Variants in KIAA1671 observed in about 807,000 individuals in gnomAD.
KIAA1671 encodes the protein KIAA1671.
KIAA1671 carries 52 observed loss-of-function variants against 131.2 expected under a neutral mutation model. That is an observed-to-expected ratio of 0.40 (90% CI 0.32 to 0.50). The LOEUF is 0.50. Among genes scored for constraint, KIAA1671 ranks in the 20% least tolerant of loss-of-function variants. The probability of loss-of-function intolerance (pLI) is 0.73; values close to 1 mark genes in which losing one functional copy is unlikely to be tolerated. For missense variants in KIAA1671, 2,360 were observed against 2,364.2 expected, an observed-to-expected ratio of 1.00 and a Z score of 0.04; for synonymous variants, 1,003 against 961.6, an observed-to-expected ratio of 1.04 and a Z score of -0.80.
intron 6 of KIAA1671, among the ~76,000 whole-genome samples, chr22:25,113,376 T>C (rs1931481454): frequency 1.3e-5 from 2 of 152,202 alleles, no homozygotes; most frequent in Non-Finnish European, 1.5e-5. Flanking sequence ...CATTTTCACA[T>C]AGGAGACTTC....
At chr22:25,071,416 A>C (rs1928810815) in intron 6 of KIAA1671, among the ~76,000 whole-genome samples, 2 of 152,182 alleles carry the variant, frequency 1.3e-5, no homozygotes, top group Admixed American at 1.3e-4. Flanking sequence ...CCCCCAGAGC[A>C]GTGGGGAAAC....
chr22:24,975,596 T>G (rs1454001236), intron 1 of KIAA1671, among the ~76,000 whole-genome samples: 1 of 152,022 alleles, frequency 6.6e-6, no homozygotes, highest in East Asian at 1.9e-4. Context: ...CAGTGCTTAT[T>G]GCTGTCACCT....
chr22:25,138,286 A>G (rs1484135117), intron 6 of KIAA1671, among the ~76,000 whole-genome samples: 2 of 152,192 alleles, frequency 1.3e-5, no homozygotes, highest in Non-Finnish European at 2.9e-5. Context: ...ATGGCCAACC[A>G]GTCATTGGCT....
intron 6 of KIAA1671, among the ~76,000 whole-genome samples, chr22:25,165,999 T>G (rs1933634178): frequency 6.6e-6 from 1 of 152,164 alleles, no homozygotes. Flanking sequence ...ACCCCAGCCC[T>G]TACCCGGAGG....
intron 6 of KIAA1671, among the ~76,000 whole-genome samples, chr22:25,107,792 C>T (rs540570841): frequency 2.6e-5 from 4 of 152,036 alleles, no homozygotes; most frequent in African/African-American, 9.6e-5. Flanking sequence ...GGGCGGATCA[C>T]TGGTCAGGAG....
At chr22:25,002,929 GC>G (rs1327111182) in intron 1 of KIAA1671, among the ~76,000 whole-genome samples, 1 of 152,054 alleles carries the variant, frequency 6.6e-6, no homozygotes, top group Non-Finnish European at 1.5e-5. Flanking sequence ...ACAGGCACAA[GC>G]CCCCAGTGCC....
At chr22:25,172,902 C>T (rs930328170) in intron 7 of KIAA1671, among the ~76,000 whole-genome samples, 1 of 152,176 alleles carries the variant, frequency 6.6e-6, no homozygotes, top group Non-Finnish European at 1.5e-5. Context: ...GTTTCCTCAC[C>T]TTTAACAAGG....
At chr22:25,136,500 A>G (rs1415499363) in intron 6 of KIAA1671, among the ~76,000 whole-genome samples, 2 of 152,218 alleles carry the variant, frequency 1.3e-5, no homozygotes, top group East Asian at 1.9e-4. Flanking sequence ...TCACGCAAAC[A>G]GCCCTAAACC....
intron 1 of KIAA1671, among the ~76,000 whole-genome samples, chr22:25,007,642 AT>A (rs1404094301): frequency 3.3e-5 from 5 of 152,164 alleles, no homozygotes; most frequent in African/African-American, 4.8e-5. Flanking sequence ...CACCAGTGCC[AT>A]GTCAGTTTAT....
At chr22:25,136,496 A>G (rs1340928848) in intron 6 of KIAA1671, among the ~76,000 whole-genome samples, 1 of 152,188 alleles carries the variant, frequency 6.6e-6, no homozygotes, top group Admixed American at 6.5e-5. Context: ...GGCATCACGC[A>G]AACAGCCCTA....
intron 5 of KIAA1671, chr22:25,048,931 TC>T (rs1488881727): frequency 5.8e-6 from 2 of 343,200 alleles, no homozygotes; most frequent in Non-Finnish European, 1.1e-5. Context: ...ATGTGCTGTT[TC>T]TTAGCGCCTA....
chr22:25,161,501 G>GT (rs879713899), intron 6 of KIAA1671, among the ~76,000 whole-genome samples: 6 of 152,194 alleles, frequency 3.9e-5, no homozygotes, highest in Non-Finnish European at 8.8e-5. Context: ...AGGATCGCGT[G>GT]GCCAAATCAG....
intron 6 of KIAA1671, among the ~76,000 whole-genome samples, chr22:25,067,494 C>T (rs144353513): frequency 2.1e-4 from 32 of 152,190 alleles, no homozygotes; most frequent in African/African-American, 7.0e-4. Flanking sequence ...TCCTCTCCCT[C>T]CATGTCTCTC....
At chr22:25,131,317 C>T (rs1376566534) in intron 6 of KIAA1671, among the ~76,000 whole-genome samples, 1 of 152,338 alleles carries the variant, frequency 6.6e-6, no homozygotes, top group South Asian at 2.1e-4. Flanking sequence ...GAGTTTTGCA[C>T]AGGTTTGGGG....
At chr22:24,985,250 T>A (rs1923457898) in intron 1 of KIAA1671, among the ~76,000 whole-genome samples, 1 of 152,198 alleles carries the variant, frequency 6.6e-6, no homozygotes, top group South Asian at 2.1e-4. Flanking sequence ...GTATTGAGGA[T>A]GCTAATATCC....
rs369951541 is a variant in KIAA1671 at position 25,177,461 on chromosome 22, C to T, written c.5013C>T (p.Ser1671=). The change falls in exon 9 of 13, where the codon TCC becomes TCT. Residue 1671 remains serine (S), a synonymous_variant. Transcript: ENST00000358431. The stretch of plus-strand genomic sequence containing the variant: ...TCCGGCGCAGCCGATTTAGTGAGTC[C>T]GAGAGCAGATCACCTTTGGAGGATG... ...HSLRRSRFSE[S]ESRSPLEDET... 1.4e-4 allele frequency: 222 copies of T among 1,551,736 alleles called. No individual in the cohort carries two copies. Among genetic ancestry groups the T allele is most frequent in the Non-Finnish European group, 1.3e-4 (145 of 1,147,004 alleles).
intron 6 of KIAA1671, chr22:25,064,324 G>T (rs941594049): frequency 7.1e-6 from 1 of 140,452 alleles, no homozygotes; most frequent in Non-Finnish European, 1.6e-5. Flanking sequence ...GCCTCCCAAA[G>T]TGCTGGGATT....
At chr22:25,022,210 T>C (rs1274573783) in intron 1 of KIAA1671, among the ~76,000 whole-genome samples, 11 of 152,004 alleles carry the variant, frequency 7.2e-5, no homozygotes, top group Non-Finnish European at 1.3e-4. Flanking sequence ...TCCCAGGAGG[T>C]GGCAGCCAGA....
chr22:25,008,660 C>CA (rs1374980526), intron 1 of KIAA1671, among the ~76,000 whole-genome samples: 1 of 152,218 alleles, frequency 6.6e-6, no homozygotes, highest in Non-Finnish European at 1.5e-5. Context: ...AACCCAACCT[C>CA]AGAGGGTGGG....
Sources: gnomAD v4.1 joint callset for allele counts (sites outside exome capture counted in the v4.1 genomes callset) on GRCh38, gnomAD v4.1.1 for gene constraint, MANE v1.5 for transcripts, NCBI Gene and HGNC (gene_info 2026-07-23, HGNC 2026-07-21) for gene names.